JAK1: variants seen among roughly 807,000 people sequenced by gnomAD.
JAK1 encodes Janus kinase 1, also known as tyrosine-protein kinase JAK1.
In JAK1, 16 loss-of-function variants were observed where a neutral mutation model predicts 136.6. That is an observed-to-expected ratio of 0.12 (90% confidence interval 0.08 to 0.18). The LOEUF (loss-of-function observed/expected upper bound fraction) is 0.18, where lower values mean the gene tolerates loss of function less well. JAK1 is among the 10% of genes least tolerant of loss of function. JAK1 has a pLI of 1.00. For missense variants in JAK1, 859 were observed against 1,450.1 expected (o/e 0.59, Z 6.62); for synonymous variants, 492 against 519.5 (o/e 0.95, Z 0.72).
intron 2 of JAK1, among the ~76,000 whole-genome samples, chr1:65,031,772 A>C (rs1006723634): frequency 1.3e-5 from 2 of 152,152 alleles, no homozygotes; most frequent in Admixed American, 6.5e-5. Context: ...GAAAAAAATC[A>C]TACACACATG....
chr1:64,928,798 A>AAAAAAAAAAAAAAAC (rs1557699679), intron 1 of JAK1, among the ~76,000 whole-genome samples: 5 of 89,988 alleles, frequency 5.6e-5, no homozygotes, highest in African/African-American at 2.3e-4. Context: ...AAAAAAAAAC[A>AAAAAAAAAAAAAAAC]AAAAAAAAAA....
intron 8 of JAK1, among the ~76,000 whole-genome samples, chr1:64,861,732 G>C (rs1656357887): frequency 6.6e-6 from 1 of 152,168 alleles, no homozygotes; most frequent in Non-Finnish European, 1.5e-5. Flanking sequence ...CAGCTGTAAT[G>C]CCGAAGGAAG....
chr1:64,859,141 C>T (rs986592317), intron 9 of JAK1, among the ~76,000 whole-genome samples: 4 of 152,162 alleles, frequency 2.6e-5, no homozygotes, highest in African/African-American at 2.4e-5. Context: ...ACAAGGCAGC[C>T]GGAAGAGGGA....
At chr1:64,982,206 G>A (rs1220581069) in intron 2 of JAK1, among the ~76,000 whole-genome samples, 1 of 152,162 alleles carries the variant, frequency 6.6e-6, no homozygotes, top group Non-Finnish European at 1.5e-5. Flanking sequence ...GATTTCGAGT[G>A]TTAAGTTAAA....
At chr1:64,982,853 A>C (rs1044484446) in intron 2 of JAK1, among the ~76,000 whole-genome samples, 4 of 152,174 alleles carry the variant, frequency 2.6e-5, no homozygotes, top group African/African-American at 7.2e-5. Flanking sequence ...AATCCATATG[A>C]AAATATTCAC....
chr1:64,959,517 G>C (rs1646246136), intron 1 of JAK1, among the ~76,000 whole-genome samples: 1 of 98,826 alleles, frequency 1.0e-5, no homozygotes, highest in African/African-American at 2.5e-5. Flanking sequence ...TTTACAAACA[G>C]GTATACATGG....
rs310247 is a variant in JAK1 at position 64,841,726 on chromosome 1, G to A, written c.2404-125C>T. ...ACATCTCCACTTACAGGTAGATTTC[G>A]TAAGTGTTTGTTACTGCTGCCTTAT... On this transcript the variant is annotated intron_variant, in intron 17 of 24. Coordinates refer to ENST00000342505, the MANE Select transcript of JAK1 (RefSeq NM_002227.4). 0.47 allele frequency: 447,242 copies of A among 947,774 alleles called. 111,695 individuals are homozygous for A. The highest frequency in any genetic ancestry group is 0.83 in the African/African-American group (50,396 of 61,084). 58.7% of individuals were successfully genotyped at this position (947,774 alleles called of 1,614,324 possible). A position where few individuals can be genotyped will look rare whatever the true frequency, so the allele number is the denominator to read the frequency against.
intron 1 of JAK1, among the ~76,000 whole-genome samples, chr1:64,929,352 G>C (rs973610746): frequency 1.9e-4 from 29 of 152,148 alleles, no homozygotes; most frequent in African/African-American, 6.8e-4. Context: ...CATCTTTCAG[G>C]CTTCTGGATC....
At chr1:64,903,484 GCTT>G (rs1645142974) in intron 1 of JAK1, among the ~76,000 whole-genome samples, 1 of 152,204 alleles carries the variant, frequency 6.6e-6, no homozygotes, top group Non-Finnish European at 1.5e-5. Context: ...TTCAAGGTGA[GCTT>G]CTAATACAAA....
At chr1:64,953,666 TTTTA>T (rs1186892547) in intron 1 of JAK1, among the ~76,000 whole-genome samples, 1 of 152,070 alleles carries the variant, frequency 6.6e-6, no homozygotes, top group Non-Finnish European at 1.5e-5. Flanking sequence ...AAAAATTTTT[TTTTA>T]TTTTTTTGAG....
At chr1:64,973,240 A>AAGG (rs1314291973) in intron 2 of JAK1, 4 of 148,968 alleles carry the variant, frequency 2.7e-5, no homozygotes, top group Non-Finnish European at 6.0e-5. Flanking sequence ...AGAAAGAAAG[A>AAGG]AGGAGAAAGA....
At chr1:64,977,963 T>C (rs1241018909) in intron 2 of JAK1, among the ~76,000 whole-genome samples, 1 of 152,134 alleles carries the variant, frequency 6.6e-6, no homozygotes. Flanking sequence ...GGATTAACGA[T>C]GGTAGTTAAT....
At chr1:64,840,104 C>T (rs1007806017) in intron 19 of JAK1, among the ~76,000 whole-genome samples, 6 of 152,202 alleles carry the variant, frequency 3.9e-5, no homozygotes, top group Admixed American at 6.5e-5. Context: ...GGACAACTGC[C>T]GTTCTCTAAA....
chr1:65,014,136 A>G (rs1172261127), intron 2 of JAK1, among the ~76,000 whole-genome samples: 4 of 152,298 alleles, frequency 2.6e-5, no homozygotes, highest in African/African-American at 9.6e-5. Flanking sequence ...TTAAAGAAAT[A>G]CAATATATGA....
intron 1 of JAK1, among the ~76,000 whole-genome samples, chr1:65,064,150 T>G (rs915347255): frequency 1.3e-5 from 2 of 152,226 alleles, no homozygotes; most frequent in Non-Finnish European, 2.9e-5. Flanking sequence ...AAACACTTAG[T>G]TTCAAAAGTA....
intron 1 of JAK1, among the ~76,000 whole-genome samples, chr1:65,060,124 G>A (rs541988344): frequency 4.3e-4 from 62 of 145,752 alleles, no homozygotes; most frequent in Non-Finnish European, 6.0e-4. Context: ...AGAGGGCAAC[G>A]AAGATTAAAG....
Position 64,855,448 on chromosome 1 carries a change from G to A in JAK1, c.1648+61C>T, listed in dbSNP as rs55986004. 8.7e-5 allele frequency: 131 copies of A among 1,504,412 alleles called. No individual in the cohort carries two copies. In the East Asian group the frequency reaches 2.4e-3, roughly 27 times the overall value. 93.2% of individuals were successfully genotyped at this position (1,504,412 alleles called of 1,614,324 possible). A position where few individuals can be genotyped will look rare whatever the true frequency, so the allele number is the denominator to read the frequency against. On this transcript the variant is annotated intron_variant, in intron 11 of 24. Coordinates refer to ENST00000342505, the MANE Select transcript of JAK1 (RefSeq NM_002227.4). ...TTAAGTCAGTCAGCGTGTTTTGGTC[G>A]ATCTGGGTCTCAGCACATTACTGAT...
In JAK1 at chr1:65,061,408, G is replaced by T. The variant is rs183550606; in HGVS notation, c.-181+6196C>A. Reference sequence around the variant, plus strand: ...CTTTTCTCAAGCGATCAATCAATGTGGAGTACAAATAAAAGCACAAAAAAC... The same window carrying T: ...CTTTTCTCAAGCGATCAATCAATGTTGAGTACAAATAAAAGCACAAAAAAC... On this transcript the variant is annotated intron_variant, in intron 1 of 25. Transcript: ENST00000671954. Among the ~76,000 whole-genome samples, 3 of 152,170 alleles carry T rather than the reference G, an allele frequency of 2.0e-5. No individual in the cohort carries two copies. The East Asian group carries it at 5.8e-4, about 29-fold the overall frequency.
chr1:64,835,909 C>T (rs1263857370), intron 23 of JAK1, among the ~76,000 whole-genome samples, 189 bp downstream of exon 23: 1 of 152,048 alleles, frequency 6.6e-6, no homozygotes, highest in South Asian at 2.1e-4. Context: ...ACTCCGGGCT[C>T]GTTGTGAAAG....
Sources: allele counts gnomAD v4.1 joint callset (sites outside exome capture counted in the v4.1 genomes callset), GRCh38; gene constraint gnomAD v4.1.1; transcripts MANE v1.5; gene names NCBI Gene and HGNC (gene_info 2026-07-23, HGNC 2026-07-21).